UTY: variants seen among roughly 807,000 people sequenced by gnomAD.
UTY encodes the protein ubiquitously transcribed tetratricopeptide repeat containing, Y-linked.
Under a neutral mutation model 32.5 loss-of-function variants are expected in UTY, and 12 were observed. The observed-to-expected ratio is 0.37, with a 90% CI of 0.24 to 0.60. The LOEUF is 0.60. Ranked by LOEUF, UTY falls within the 20% of genes least tolerant of loss-of-function variation. The probability of loss-of-function intolerance (pLI) is 0.69; values close to 1 mark genes in which losing one functional copy is unlikely to be tolerated. For missense variants in UTY, 303 were observed against 299.2 expected (o/e 1.01, Z -0.09); for synonymous variants, 131 against 103.4 (o/e 1.27, Z -1.62).
At chrY:13,298,648 G>A (rs2058202357) in intron 26 of UTY, among the ~76,000 whole-genome samples, 1 of 27,594 alleles carries the variant, frequency 3.6e-5, no homozygotes, top group Non-Finnish European at 8.3e-5. Flanking sequence ...CAGCTACTCA[G>A]GAGGCTGAGG....
intron 2 of UTY, among the ~76,000 whole-genome samples, chrY:13,477,147 G>T: frequency 3.0e-5 from 1 of 33,359 alleles, no homozygotes; most frequent in South Asian, 6.5e-4. Flanking sequence ...TTGGAGAACA[G>T]GTACTATGGT....
At chrY:13,352,223 G>T (rs1381375857) in intron 17 of UTY, among the ~76,000 whole-genome samples, 1 of 33,458 alleles carries the variant, frequency 3.0e-5, no homozygotes. Flanking sequence ...AATGGCCTCC[G>T]AGCATTTGAA....
At chrY:13,453,828 G>C (rs2076514010) in intron 3 of UTY, among the ~76,000 whole-genome samples, 1 of 33,115 alleles carries the variant, frequency 3.0e-5, no homozygotes, top group Non-Finnish European at 7.4e-5. Context: ...TGGCAAGATA[G>C]TAATAATGGG....
At chrY:13,257,471 A>T in intron 28 of UTY, among the ~76,000 whole-genome samples, 5 of 33,801 alleles carry the variant, frequency 1.5e-4, no homozygotes, top group African/African-American at 3.5e-4. Flanking sequence ...AACCCCACAG[A>T]TGCAACTGAA....
At chrY:13,378,496 C>T (rs2065641214) in intron 8 of UTY, among the ~76,000 whole-genome samples, 1 of 33,235 alleles carries the variant, frequency 3.0e-5, no homozygotes, top group Non-Finnish European at 7.4e-5. Flanking sequence ...TTTTTTTGGC[C>T]AGGTGCAGTG....
intron 3 of UTY, among the ~76,000 whole-genome samples, chrY:13,466,808 C>G: frequency 2.9e-5 from 1 of 34,075 alleles, no homozygotes; most frequent in East Asian, 7.6e-4. Flanking sequence ...ACTTTCAACT[C>G]AACACCAAAT....
intron 8 of UTY, among the ~76,000 whole-genome samples, chrY:13,385,613 G>A (rs1603447444): frequency 3.0e-5 from 1 of 33,018 alleles, no homozygotes; most frequent in East Asian, 7.8e-4. Flanking sequence ...TTGCTATGTC[G>A]CCCAGTCTGG....
intron 7 of UTY, among the ~76,000 whole-genome samples, chrY:13,395,389 C>A: frequency 3.1e-5 from 1 of 32,552 alleles, no homozygotes; most frequent in Non-Finnish European, 7.5e-5. Context: ...TGACTGTAGT[C>A]CTAGTGCTTT....
intron 8 of UTY, among the ~76,000 whole-genome samples, chrY:13,374,881 A>G (rs2065268499): frequency 8.7e-5 from 3 of 34,373 alleles, no homozygotes; most frequent in African/African-American, 3.4e-4. Context: ...ATCACCAGAT[A>G]TAATCCATTT....
intron 27 of UTY, among the ~76,000 whole-genome samples, chrY:13,271,027 C>T (rs2056268190): frequency 3.0e-5 from 1 of 33,380 alleles, no homozygotes; most frequent in African/African-American, 1.2e-4. Flanking sequence ...TGGCAGTGAA[C>T]CAAGATTATG....
intron 10 of UTY, among the ~76,000 whole-genome samples, chrY:13,363,205 A>G: frequency 3.1e-5 from 1 of 31,915 alleles, no homozygotes; most frequent in Admixed American, 2.8e-4. Flanking sequence ...CCTGGCCTTC[A>G]TTTTGTTTTT....
chrY:13,283,673 A>C, intron 27 of UTY, among the ~76,000 whole-genome samples: 1 of 32,713 alleles, frequency 3.1e-5, no homozygotes, highest in Non-Finnish European at 7.5e-5. Context: ...GTTTCCGTAC[A>C]TAGACAGTTA....
At chrY:13,325,808 G>A in intron 19 of UTY, among the ~76,000 whole-genome samples, 5 of 33,305 alleles carry the variant, frequency 1.5e-4, no homozygotes. Context: ...ATTTGAGAAG[G>A]CCTTAATTTT....
chrY:13,423,138 T>C, intron 4 of UTY, among the ~76,000 whole-genome samples: 1 of 32,986 alleles, frequency 3.0e-5, no homozygotes, highest in Non-Finnish European at 7.5e-5. Context: ...CTTCTATATG[T>C]TACAGACAGG....
intron 4 of UTY, among the ~76,000 whole-genome samples, chrY:13,445,144 ACT>A (rs2075568273): frequency 5.9e-5 from 1 of 16,947 alleles, no homozygotes; most frequent in Admixed American, 5.8e-4. Flanking sequence ...ACAGAGCAAG[ACT>A]CTGCCTCAAA....
chrY:13,334,141 T>C, intron 18 of UTY, among the ~76,000 whole-genome samples: 3 of 33,807 alleles, frequency 8.9e-5, no homozygotes, highest in Non-Finnish European at 1.5e-4. Context: ...ATCTAAGTGA[T>C]TGTACTCAAC....
chrY:13,335,419 C>CA, intron 18 of UTY, 144 bp downstream of exon 18: 1 of 181,840 alleles, frequency 5.5e-6, no homozygotes, highest in Non-Finnish European at 9.3e-6. Flanking sequence ...TATAAAACAA[C>CA]AAAAAAAATT....
intron 17 of UTY, among the ~76,000 whole-genome samples, chrY:13,340,431 C>G (rs762365684): frequency 6.1e-5 from 2 of 33,030 alleles, no homozygotes; most frequent in Non-Finnish European, 1.5e-4. Context: ...GGATGCTGCC[C>G]TGGCCGCCTC....
At chrY:13,346,190 C>G in intron 17 of UTY, among the ~76,000 whole-genome samples, 1 of 33,055 alleles carries the variant, frequency 3.0e-5, no homozygotes, top group Non-Finnish European at 7.4e-5. Flanking sequence ...GGGTGCACAA[C>G]TGGAACTTGC....
Sources: gnomAD v4.1 joint callset for allele counts (sites outside exome capture counted in the v4.1 genomes callset) on GRCh38, gnomAD v4.1.1 for gene constraint, MANE v1.5 for transcripts, NCBI Gene and HGNC (gene_info 2026-07-23, HGNC 2026-07-21) for gene names.